NAV3: variants seen among roughly 807,000 people sequenced by gnomAD.
The protein encoded by NAV3 is neuron navigator 3.
NAV3 carries 87 observed loss-of-function variants against 244.7 expected under a neutral mutation model. The ratio of observed to expected loss-of-function variants is 0.36; its 90% confidence interval spans 0.30 to 0.42. The LOEUF (loss-of-function observed/expected upper bound fraction) is 0.42, where lower values mean the gene tolerates loss of function less well. NAV3 is among the 20% of genes least tolerant of loss of function. NAV3 has a pLI of 1.00. For synonymous variants in NAV3, 1,126 were observed against 1,042.2 expected (o/e 1.08, Z -1.55); for missense variants, 2,663 against 2,893.3 (o/e 0.92, Z 1.83).
chr12:77,845,505 G>GT (rs148291347), intron 1 of NAV3, among the ~76,000 whole-genome samples: 9,025 of 152,074 alleles, frequency 0.059, 397 homozygotes, highest in Middle Eastern at 0.095. Context: ...ATTGTTGAAT[G>GT]TTTTTTCCTC....
chr12:77,786,072 T>A (rs970362625), intron 2 of NAV3, among the ~76,000 whole-genome samples: 1 of 152,136 alleles, frequency 6.6e-6, no homozygotes, highest in East Asian at 1.9e-4. Context: ...GGGGAGCCCA[T>A]GAAGTCTTTC....
At chr12:77,940,086 C>CA (rs1889722295) in intron 1 of NAV3, among the ~76,000 whole-genome samples, 1 of 152,174 alleles carries the variant, frequency 6.6e-6, no homozygotes, top group African/African-American at 2.4e-5. Context: ...TGCTTTGTCA[C>CA]AAGTGACTAG....
intron 2 of NAV3, among the ~76,000 whole-genome samples, chr12:77,804,192 C>T (rs571783804): frequency 6.6e-6 from 1 of 152,064 alleles, no homozygotes; most frequent in African/African-American, 2.4e-5. Flanking sequence ...GTTGCCATTG[C>T]TTTTGATGTT....
chr12:77,900,745 G>T (rs1885190798), intron 1 of NAV3, among the ~76,000 whole-genome samples: 1 of 152,070 alleles, frequency 6.6e-6, no homozygotes, highest in South Asian at 2.1e-4. Flanking sequence ...TGAGATTGCT[G>T]GGTCAAATAA....
chr12:78,087,232 G>T (rs1462065355), intron 12 of NAV3, among the ~76,000 whole-genome samples: 3 of 151,968 alleles, frequency 2.0e-5, no homozygotes, highest in Non-Finnish European at 4.4e-5. Context: ...TCTTTGCTGA[G>T]CTGCCAAGAT....
intron 2 of NAV3, among the ~76,000 whole-genome samples, chr12:77,586,954 A>G (rs1869644223): frequency 1.3e-5 from 2 of 152,162 alleles, no homozygotes; most frequent in African/African-American, 4.8e-5. Context: ...GAGGAACAAG[A>G]ACAGTTATGG....
intron 2 of NAV3, among the ~76,000 whole-genome samples, chr12:77,688,398 T>C (rs1268389090): frequency 6.6e-6 from 1 of 152,090 alleles, no homozygotes; most frequent in East Asian, 1.9e-4. Context: ...ACTTTTTTAT[T>C]GTCTACTTTC....
intron 12 of NAV3, among the ~76,000 whole-genome samples, chr12:78,095,946 G>T (rs147919934): frequency 8.5e-5 from 13 of 152,256 alleles, no homozygotes; most frequent in Admixed American, 8.5e-4. Flanking sequence ...TAGGCTAGTG[G>T]CAGATCTGGA....
intron 2 of NAV3, among the ~76,000 whole-genome samples, chr12:77,805,791 G>T (rs2135984311): frequency 6.6e-6 from 1 of 152,208 alleles, no homozygotes; most frequent in East Asian, 1.9e-4. Flanking sequence ...GAATCCTTCT[G>T]GTCCTGGGGT....
At chr12:77,955,798 A>AG (rs1455097272) in intron 3 of NAV3, among the ~76,000 whole-genome samples, 2 of 152,120 alleles carry the variant, frequency 1.3e-5, no homozygotes. Context: ...TGAGCCCAGG[A>AG]GGTGGAGGTT....
chr12:77,897,778 G>A (rs545756066), intron 1 of NAV3, among the ~76,000 whole-genome samples: 33 of 151,888 alleles, frequency 2.2e-4, no homozygotes, highest in Admixed American at 1.7e-3. Flanking sequence ...TTATTCATTG[G>A]CATGCTTGCT....
At chr12:77,867,014 G>C (rs2136400251) in intron 1 of NAV3, among the ~76,000 whole-genome samples, 1 of 152,254 alleles carries the variant, frequency 6.6e-6, no homozygotes, top group South Asian at 2.1e-4. Context: ...TAAACACTTT[G>C]GTAGACCCAA....
chr12:77,836,150 A>C (rs1874587980), intron 1 of NAV3, among the ~76,000 whole-genome samples: 1 of 152,146 alleles, frequency 6.6e-6, no homozygotes, highest in Admixed American at 6.5e-5. Context: ...TTGCCTTGGA[A>C]CCTTTACTTA....
chr12:77,815,663 G>A (rs1872500966), intron 2 of NAV3, among the ~76,000 whole-genome samples: 1 of 152,060 alleles, frequency 6.6e-6, no homozygotes, highest in South Asian at 2.1e-4. Context: ...GACCATCACA[G>A]TTGTAATATA....
intron 2 of NAV3, among the ~76,000 whole-genome samples, chr12:77,600,650 G>A (rs774031639): frequency 5.9e-5 from 9 of 151,848 alleles, no homozygotes; most frequent in East Asian, 1.9e-4. Context: ...AGTGTGTCTC[G>A]CAAGGATCTA....
chr12:77,914,075 A>G (rs887244968), intron 1 of NAV3, among the ~76,000 whole-genome samples: 1 of 151,978 alleles, frequency 6.6e-6, no homozygotes, highest in African/African-American at 2.4e-5. Context: ...TGGAGGTTTT[A>G]TGAGATGCTC....
At chr12:77,781,829 A>G (rs1870676230) in intron 2 of NAV3, among the ~76,000 whole-genome samples, 1 of 152,182 alleles carries the variant, frequency 6.6e-6, no homozygotes, top group Non-Finnish European at 1.5e-5. Flanking sequence ...GCTTCTTCAA[A>G]GAGAGAAAGA....
chr12:77,942,930 C>G (rs1171388652), intron 3 of NAV3, among the ~76,000 whole-genome samples: 1 of 152,112 alleles, frequency 6.6e-6, no homozygotes, highest in Non-Finnish European at 1.5e-5. Flanking sequence ...GTTGCTTTTG[C>G]TTTCATTATT....
chr12:77,808,645 G>A (rs557572557), intron 2 of NAV3, among the ~76,000 whole-genome samples: 14 of 152,204 alleles, frequency 9.2e-5, no homozygotes, highest in East Asian at 1.9e-4. Context: ...GTCAGGAGGC[G>A]CAGGGATCAG....
Sources: gnomAD v4.1 joint callset for allele counts (sites outside exome capture counted in the v4.1 genomes callset) on GRCh38, gnomAD v4.1.1 for gene constraint, MANE v1.5 for transcripts, NCBI Gene and HGNC (gene_info 2026-07-23, HGNC 2026-07-21) for gene names.